RCAN1: variants seen among roughly 807,000 people sequenced by gnomAD.
The protein encoded by RCAN1 is regulator of calcineurin 1, also known as calcipressin-1.
Under a neutral mutation model 22.9 loss-of-function variants are expected in RCAN1, and 11 were observed. The observed-to-expected ratio is 0.48, with a 90% CI of 0.30 to 0.79. RCAN1 has a LOEUF of 0.79. Among genes scored for constraint, RCAN1 ranks in the 30% least tolerant of loss-of-function variants. RCAN1 has a pLI of 0.06. For synonymous variants in RCAN1, 136 were observed against 142.3 expected (o/e 0.96, Z 0.32); for missense variants, 291 against 337.8 (o/e 0.86, Z 1.09).
chr21:34,521,419 G>A (rs73367111), intron 3 of RCAN1, 80 bp downstream of exon 3: 2 of 1,607,092 alleles, frequency 1.2e-6, no homozygotes, highest in Non-Finnish European at 1.7e-6. Flanking sequence ...AGCTACGGGG[G>A]TAGTGGTGGT....
chr21:34,563,525 T>C (rs1986869909), intron 1 of RCAN1, among the ~76,000 whole-genome samples: 1 of 151,922 alleles, frequency 6.6e-6, no homozygotes, highest in Non-Finnish European at 1.5e-5. Context: ...CAGGGAAGCA[T>C]GAAAAGGCTT....
intron 1 of RCAN1, among the ~76,000 whole-genome samples, chr21:34,601,332 T>C (rs1027904730): frequency 6.6e-6 from 1 of 152,126 alleles, no homozygotes; most frequent in Non-Finnish European, 1.5e-5. Flanking sequence ...CCCCAGGAGG[T>C]AGGAGCTTTT....
intron 1 of RCAN1, among the ~76,000 whole-genome samples, chr21:34,600,204 T>C (rs1988286945): frequency 6.6e-6 from 1 of 152,058 alleles, no homozygotes; most frequent in Admixed American, 6.5e-5. Flanking sequence ...TAAAGGTTAG[T>C]TCATTTAATT....
intron 1 of RCAN1, among the ~76,000 whole-genome samples, chr21:34,609,549 A>G (rs1601226966): frequency 1.3e-5 from 2 of 152,204 alleles, no homozygotes. Flanking sequence ...AAACAAAGAG[A>G]CAAAGAATAT....
chr21:34,553,534 C>G (rs1334272029), intron 1 of RCAN1, among the ~76,000 whole-genome samples: 1 of 152,184 alleles, frequency 6.6e-6, no homozygotes, highest in Non-Finnish European at 1.5e-5. Flanking sequence ...CCATATCCTA[C>G]TTTTCTCATT....
intron 1 of RCAN1, among the ~76,000 whole-genome samples, chr21:34,542,549 G>A (rs576783201): frequency 0.24 from 132 of 540 alleles, no homozygotes; most frequent in Admixed American, 0.49. Flanking sequence ...CCCTCCAGTC[G>A]CCAGCCAAGG....
At chr21:34,566,010 C>T (rs1469800046) in intron 1 of RCAN1, among the ~76,000 whole-genome samples, 1 of 152,102 alleles carries the variant, frequency 6.6e-6, no homozygotes, top group Admixed American at 6.5e-5. Flanking sequence ...GCTGAACCTG[C>T]TACGTCTCTG....
At chr21:34,536,838 TTCAAAAC>T (rs1985694325) in intron 1 of RCAN1, among the ~76,000 whole-genome samples, 1 of 152,202 alleles carries the variant, frequency 6.6e-6, no homozygotes, top group Non-Finnish European at 1.5e-5. Flanking sequence ...CACACCCAGT[TTCAAAAC>T]TCAAGAGGCA....
At chr21:34,553,429 G>A (rs1986444142) in intron 1 of RCAN1, among the ~76,000 whole-genome samples, 1 of 152,176 alleles carries the variant, frequency 6.6e-6, no homozygotes, top group South Asian at 2.1e-4. Flanking sequence ...GGAAAGTCAT[G>A]CCACTTCCTG....
chr21:34,601,600 C>T lies in RCAN1; in HGVS notation c.252+13160G>A, dbSNP rs544252081. On this transcript the variant is annotated intron_variant, in intron 1 of 3. Coordinates refer to ENST00000313806, the MANE Select transcript of RCAN1 (RefSeq NM_004414.7). ...TTGGGAGGCCAAGGTGGGCGGATCA[C>T]GAGGTCAGGAGATCGAGATCATCTT... Among the ~76,000 whole-genome samples, 46 of 152,238 alleles carry T rather than the reference C, an allele frequency of 3.0e-4. No individual in the cohort carries two copies. The East Asian group carries it at 7.4e-3, about 24-fold the overall frequency.
intron 1 of RCAN1, among the ~76,000 whole-genome samples, chr21:34,588,356 C>A (rs1015304161): frequency 6.6e-6 from 1 of 152,104 alleles, no homozygotes; most frequent in African/African-American, 2.4e-5. Context: ...TCCAGGTGTG[C>A]TGGCATTGTT....
intron 1 of RCAN1, among the ~76,000 whole-genome samples, chr21:34,566,994 G>A (rs1447191050): frequency 6.6e-6 from 1 of 152,098 alleles, no homozygotes; most frequent in African/African-American, 2.4e-5. Flanking sequence ...CTGCAACACT[G>A]GGGATCACAT....
intron 1 of RCAN1, among the ~76,000 whole-genome samples, chr21:34,539,080 C>T (rs1057140433): frequency 4.6e-5 from 7 of 152,104 alleles, no homozygotes; most frequent in Admixed American, 2.0e-4. Context: ...GTAAGATTAG[C>T]GGTAAATTCA....
intron 1 of RCAN1, chr21:34,559,293 TAAG>T (rs1186458847): frequency 1.3e-5 from 2 of 152,230 alleles, no homozygotes; most frequent in East Asian, 1.9e-4. Flanking sequence ...AGTCTTTCTG[TAAG>T]AAGAGCCCTG....
chr21:34,519,325 T>A (rs1984296838), intron 3 of RCAN1, among the ~76,000 whole-genome samples: 1 of 152,138 alleles, frequency 6.6e-6, no homozygotes, highest in Non-Finnish European at 1.5e-5. Flanking sequence ...TGTGGCCTCA[T>A]GGTCAGTTTT....
intron 1 of RCAN1, among the ~76,000 whole-genome samples, chr21:34,534,769 C>T (rs1198455179): frequency 2.6e-5 from 4 of 152,208 alleles, no homozygotes; most frequent in African/African-American, 7.2e-5. Flanking sequence ...TCAGGGGAAG[C>T]ACTGTGCTTG....
At chr21:34,605,378 G>C (rs1453892035) in intron 1 of RCAN1, among the ~76,000 whole-genome samples, 2 of 152,162 alleles carry the variant, frequency 1.3e-5, no homozygotes, top group African/African-American at 2.4e-5. Context: ...TTGGGATTGT[G>C]TGCGTCAATA....
At chr21:34,567,367 C>T (rs563232508) in intron 1 of RCAN1, among the ~76,000 whole-genome samples, 1 of 152,048 alleles carries the variant, frequency 6.6e-6, no homozygotes, top group Non-Finnish European at 1.5e-5. Flanking sequence ...GTGGGGGGCA[C>T]ATGCCTGTAG....
intron 1 of RCAN1, among the ~76,000 whole-genome samples, chr21:34,529,614 G>A (rs1193844535): frequency 6.6e-6 from 1 of 152,182 alleles, no homozygotes; most frequent in East Asian, 1.9e-4. Flanking sequence ...CGGATCCAAA[G>A]CAAGTATTTA....
Sources: gnomAD v4.1 joint callset for allele counts (sites outside exome capture counted in the v4.1 genomes callset) on GRCh38, gnomAD v4.1.1 for gene constraint, MANE v1.5 for transcripts, NCBI Gene and HGNC (gene_info 2026-07-23, HGNC 2026-07-21) for gene names.